CWH43: variants seen among roughly 807,000 people sequenced by gnomAD.
The protein encoded by CWH43 is cell wall biogenesis 43 C-terminal homolog.
In CWH43, 91 loss-of-function variants were observed where a neutral mutation model predicts 85.7. The ratio of observed to expected loss-of-function variants is 1.06; its 90% confidence interval spans 0.90 to 1.26. The LOEUF (loss-of-function observed/expected upper bound fraction) is 1.26, where lower values mean the gene tolerates loss of function less well. Ranked by LOEUF, CWH43 falls within the 50% of genes most tolerant of loss-of-function variation. The pLI, the probability that CWH43 is intolerant of heterozygous loss-of-function variation, is 0.00. For synonymous variants in CWH43, 323 were observed against 293.6 expected, an observed-to-expected ratio of 1.10 and a Z score of -1.02; for missense variants, 869 against 839.2, an observed-to-expected ratio of 1.04 and a Z score of -0.44.
chr4:49,003,144 T>C (rs1378086647), intron 6 of CWH43, among the ~76,000 whole-genome samples: 1 of 152,200 alleles, frequency 6.6e-6, no homozygotes, highest in Non-Finnish European at 1.5e-5. Context: ...GCAGAATGCA[T>C]AGCTCCTGAC....
At chr4:49,033,383 C>T (rs899106809) in intron 12 of CWH43, among the ~76,000 whole-genome samples, 20 of 152,178 alleles carry the variant, frequency 1.3e-4, no homozygotes, top group African/African-American at 4.1e-4. Context: ...GAATACATGC[C>T]TAAATATACA....
At chr4:48,987,196 G>A (rs1782521701) in intron 1 of CWH43, among the ~76,000 whole-genome samples, 1 of 152,100 alleles carries the variant, frequency 6.6e-6, no homozygotes, top group South Asian at 2.1e-4. Flanking sequence ...GATTTTCTGG[G>A]AGCTGGTAAT....
At chr4:49,019,640 C>A (rs372510516) in intron 9 of CWH43, among the ~76,000 whole-genome samples, 4 of 151,952 alleles carry the variant, frequency 2.6e-5, no homozygotes, top group Non-Finnish European at 4.4e-5. Context: ...GGTGCAGTGG[C>A]ATGATCTCGT....
intron 2 of CWH43, among the ~76,000 whole-genome samples, chr4:48,989,038 A>G (rs1234821128): frequency 6.6e-6 from 1 of 152,228 alleles, no homozygotes; most frequent in African/African-American, 2.4e-5. Flanking sequence ...GAAAATTATG[A>G]TGAAAAACAC....
chr4:49,039,797 A>C (rs1469668294), intron 13 of CWH43, among the ~76,000 whole-genome samples: 1 of 151,910 alleles, frequency 6.6e-6, no homozygotes, highest in African/African-American at 2.4e-5. Context: ...CACAATGTGC[A>C]GGTTTGTTAC....
At chr4:49,045,341 C>A (rs185181345) in intron 14 of CWH43, among the ~76,000 whole-genome samples, 62 of 152,186 alleles carry the variant, frequency 4.1e-4, no homozygotes, top group Non-Finnish European at 6.6e-4. Context: ...AAAAATATTA[C>A]CCGAGTATAT....
chr4:48,995,935 A>C (rs1782795039), intron 5 of CWH43, among the ~76,000 whole-genome samples: 1 of 151,176 alleles, frequency 6.6e-6, no homozygotes, highest in African/African-American at 2.4e-5. Flanking sequence ...TGATTCCACC[A>C]CTCCTTTACT....
chr4:49,059,938 A>G (rs1305979794), intron 15 of CWH43, among the ~76,000 whole-genome samples: 1 of 152,082 alleles, frequency 6.6e-6, no homozygotes, highest in Admixed American at 6.5e-5. Context: ...ATAGATCTGG[A>G]ACCTGGGCCC....
chr4:49,015,053 C>G (rs887158770), intron 8 of CWH43, among the ~76,000 whole-genome samples: 5 of 152,132 alleles, frequency 3.3e-5, no homozygotes, highest in African/African-American at 1.2e-4. Flanking sequence ...CTCCTCCAAA[C>G]CCCTGGCAAC....
chr4:49,004,573 G>T (rs560829808), intron 7 of CWH43, among the ~76,000 whole-genome samples: 2 of 152,074 alleles, frequency 1.3e-5, no homozygotes, highest in Admixed American at 1.3e-4. Flanking sequence ...ATTTTTTGTA[G>T]AGACAGGGGT....
intron 8 of CWH43, 52 bp downstream of exon 8, chr4:49,007,378 C>A (rs773997932): frequency 7.6e-6 from 11 of 1,452,158 alleles, no homozygotes; most frequent in African/African-American, 1.4e-5. Context: ...AAATTCTAAA[C>A]GTATGAAATT....
intron 12 of CWH43, among the ~76,000 whole-genome samples, chr4:49,037,619 G>C (rs1784299650): frequency 6.6e-6 from 1 of 151,510 alleles, no homozygotes; most frequent in African/African-American, 2.4e-5. Context: ...ACATAAGCCT[G>C]ATGGGCTCTG....
At chr4:49,007,052 A>G in intron 7 of CWH43, 149 bp from the exon 8 acceptor site, 2 of 858,036 alleles carry the variant, frequency 2.3e-6, no homozygotes, top group East Asian at 6.1e-5. Context: ...AAGCACTACT[A>G]GAGTAATTGT....
chr4:49,043,769 C>A (rs2109828985), intron 13 of CWH43, among the ~76,000 whole-genome samples: 1 of 151,974 alleles, frequency 6.6e-6, no homozygotes, highest in South Asian at 2.1e-4. Flanking sequence ...ATTCCCAATA[C>A]TAAAGTTTTC....
At position 48,991,998 on chromosome 4, in the gene CWH43, A is replaced by T. The variant is rs749744886; in HGVS notation, c.419A>T (p.Tyr140Phe). The change falls in exon 4 of 16, where the codon TAT becomes TTT. Residue 140 changes from tyrosine to phenylalanine, a missense_variant. This residue lies in a region of CWH43 where 152 missense variants were observed against 203.6 expected (regional missense o/e 0.75). Coordinates refer to ENST00000226432, the MANE Select transcript of CWH43 (RefSeq NM_025087.3). ...QIVLVVLRIW[Y>F]TSLNPIWSYQ... Reference sequence around the variant, plus strand: ...GTTCTTGTTGTTCTACGCATATGGTATACTTCACTAAACCCAATCTGGAGT... The same window carrying T: ...GTTCTTGTTGTTCTACGCATATGGTTTACTTCACTAAACCCAATCTGGAGT... 3 of 1,613,710 alleles carry T rather than the reference A, an allele frequency of 1.9e-6. No homozygotes were observed. The African/African-American group carries it at 4.0e-5, about 22-fold the overall frequency.
intron 13 of CWH43, among the ~76,000 whole-genome samples, chr4:49,041,204 T>G (rs1784450850): frequency 6.6e-6 from 1 of 152,208 alleles, no homozygotes; most frequent in Non-Finnish European, 1.5e-5. Flanking sequence ...TTCTTTTGGC[T>G]TAGGATTGAC....
At chr4:49,004,329 CT>C (rs1318059356) in intron 7 of CWH43, among the ~76,000 whole-genome samples, 6 of 152,314 alleles carry the variant, frequency 3.9e-5, no homozygotes, top group African/African-American at 1.4e-4. Flanking sequence ...GATCATGATA[CT>C]CATGCTGCCA....
chr4:49,003,910 A>T lies in CWH43; in HGVS notation c.978A>T (p.Glu326Asp). ...TTGCCATGATATTTTATCTTCTAGA[A>T]ATATTTTTCTGTGCCTGGTGCACAG... ...MTIAMIFYLL[E>D]IFFCAWCTAF... The change falls in exon 7 of 16, where the codon GAA (glutamate) becomes GAT (aspartate). Residue 326 changes from glutamate (E) to aspartate (D), a missense_variant. Glu to Asp is a conservative substitution (Grantham distance 45). Coordinates refer to ENST00000226432, the MANE Select transcript of CWH43 (RefSeq NM_025087.3). The T allele has an allele frequency of 6.2e-7, 1 of 1,613,870 alleles. No individual in the cohort carries two copies.
At chr4:49,058,259 A>G (rs141318892) in intron 15 of CWH43, among the ~76,000 whole-genome samples, 1,785 of 152,166 alleles carry the variant, frequency 0.012, 31 homozygotes, top group African/African-American at 0.037. Context: ...TGTATCTACT[A>G]TAGGTTTTTT....
Sources: gnomAD v4.1 joint callset for allele counts (sites outside exome capture counted in the v4.1 genomes callset) on GRCh38, gnomAD v4.1.1 for gene constraint, gnomAD v4.1.1 regional missense constraint, MANE v1.5 for transcripts, NCBI Gene and HGNC (gene_info 2026-07-23, HGNC 2026-07-21) for gene names.